DOT1L: variants seen among roughly 807,000 people sequenced by gnomAD.
DOT1L encodes DOT1 like histone lysine methyltransferase.
Under a neutral mutation model 153.3 loss-of-function variants are expected in DOT1L, and 33 were observed. The ratio of observed to expected loss-of-function variants is 0.22; its 90% CI spans 0.16 to 0.29. The LOEUF is 0.29. Among genes scored for constraint, DOT1L ranks in the 10% least tolerant of loss-of-function variants. The pLI is 1.00. For synonymous variants in DOT1L, 1,135 were observed against 965.1 expected, an observed-to-expected ratio of 1.18 and a Z score of -3.26; for missense variants, 1,847 against 2,119.9, an observed-to-expected ratio of 0.87 and a Z score of 2.53.
rs753819824 is a variant in DOT1L, at chr19:2,197,109, G to A, written c.651+2532G>A. The stretch of plus-strand genomic sequence containing the variant: ...TGCCGTGGTGGGAGCCGTGGCCTGC[G>A]GTGCTTCCTTGCGGCCACGCCTGTC... On this transcript the variant is annotated intron_variant, in intron 7 of 27. Coordinates refer to ENST00000398665, the MANE Select transcript of DOT1L (RefSeq NM_032482.3). This position sits in a 1 kb window ranked among gnomAD's most constrained non-coding sequence, Gnocchi z 4.1. Among the ~76,000 whole-genome samples, 2 of 152,014 alleles carry A rather than the reference G, an allele frequency of 1.3e-5. No individual in the cohort carries two copies. The highest frequency in any genetic ancestry group is 2.1e-4 in the South Asian group (1 of 4,820).
chr19:2,198,074 A>G (rs890470697), intron 7 of DOT1L, among the ~76,000 whole-genome samples: 1 of 152,170 alleles, frequency 6.6e-6, no homozygotes, highest in Non-Finnish European at 1.5e-5. Flanking sequence ...GCAGGGTTGC[A>G]TATAAACCAC....
rs1281413979 is a variant in DOT1L, at chr19:2,193,831, G to A, written c.588+48G>A. On this transcript the variant is annotated intron_variant, in intron 6 of 27. Coordinates refer to ENST00000398665, the MANE Select transcript of DOT1L (RefSeq NM_032482.3). The surrounding 1 kb of genome is among the most constrained non-coding windows in gnomAD (Gnocchi z 5.9). ...GTGTGTTGGAGGCAGGGGACCATCA[G>A]AGAAAGTGACGCCCTGGGTGCCTGC... is the stretch of plus-strand genomic sequence containing the variant. 1.9e-6 allele frequency: 3 copies of A among 1,589,788 alleles called. No homozygotes were observed. In the Admixed American group the frequency reaches 5.1e-5, roughly 27 times the overall value.
At position 2,202,758 on chromosome 19, in the gene DOT1L, C is replaced by T. The variant is rs1171294668; in HGVS notation, c.766C>T (p.Arg256Trp). Residue 256 changes from arginine to tryptophan, a missense_variant, in exon 9 of 28, where the codon CGG becomes TGG. Arg to Trp is a moderately radical substitution (Grantham distance 101). Around this residue, in one of 8 missense-constraint regions of DOT1L, gnomAD observed 148 missense variants for 422.3 expected, o/e 0.35. Transcript: ENST00000398665. ...TGAGGTGGATCACCAGCTGAAGGAG[C>T]GGTTTGCAAACATGAAGGAAGGTAA... is the stretch of plus-strand genomic sequence containing the variant. ...GPEVDHQLKE[R>W]FANMKEGGRI... 1.9e-6 allele frequency: 3 copies of T among 1,614,026 alleles called. No homozygotes were observed. Among genetic ancestry groups the T allele is most frequent in the African/African-American group, 1.3e-5 (1 of 74,918 alleles).
Position 2,208,197 on chromosome 19 carries a change from G to A in DOT1L, c.963+517G>A, listed in dbSNP as rs2023578476. On this transcript the variant is annotated intron_variant, in intron 11 of 27. Transcript: ENST00000398665. The surrounding 1 kb of genome is among the most constrained non-coding windows in gnomAD (Gnocchi z 4.4). ...GCCTCCCACGGTGCTTCCCCCCCGG[G>A]CACGAGTATCCCGAGCCTCCTGGCA... Among the ~76,000 whole-genome samples, 1 of 152,126 alleles carries A rather than the reference G, an allele frequency of 6.6e-6. No individual in the cohort carries two copies. The highest frequency in any genetic ancestry group is 6.5e-5 in the Admixed American group (1 of 15,284).
intron 8 of DOT1L, 102 bp downstream of exon 8, chr19:2,200,041 G>T: frequency 1.4e-6 from 2 of 1,451,950 alleles, no homozygotes; most frequent in Non-Finnish European, 1.9e-6. Flanking sequence ...CTCCTGTGCT[G>T]GCTGTGGCAG....
chr19:2,166,828 C>T (rs992294641), intron 1 of DOT1L, among the ~76,000 whole-genome samples: 1 of 152,188 alleles, frequency 6.6e-6, no homozygotes, highest in Non-Finnish European at 1.5e-5. Flanking sequence ...CCAGTGCTGC[C>T]GTCCAGGTGC....
rs766749994 is a variant in DOT1L at position 2,193,135 on chromosome 19, C to T, written c.494-554C>T. On this transcript the variant is annotated intron_variant, in intron 5 of 27. Coordinates refer to ENST00000398665, the MANE Select transcript of DOT1L (RefSeq NM_032482.3). This position sits in a 1 kb window ranked among gnomAD's most constrained non-coding sequence, Gnocchi z 5.9. ...CTGTTCCCTCCTTCTCCCTTAGAGCCGGGTGTTGCTGGGTTGTGTGCTGAT... is the reference window on the plus strand; with the variant it reads ...CTGTTCCCTCCTTCTCCCTTAGAGCTGGGTGTTGCTGGGTTGTGTGCTGAT... 2.0e-5 allele frequency among the ~76,000 whole-genome samples: 3 copies of T among 152,192 alleles called. No individual in the cohort carries two copies. The highest frequency in any genetic ancestry group is 4.4e-5 in the Non-Finnish European group (3 of 68,028).
rs1461463034 is a variant in DOT1L, at chr19:2,229,680, CGT to C, written c.4607-99_4607-98del. The C allele has an allele frequency of 4.4e-6, 7 of 1,603,196 alleles. No individual in the cohort carries two copies. The East Asian group carries it at 1.6e-4, about 36-fold the overall frequency. ...CTGTCATGGTGCTGGCCCCAGGTGG[CGT>C]GTGTGCTCGTGGGAGGCCTCGGTCC... On this transcript the variant is annotated intron_variant, in intron 27 of 27. Coordinates refer to ENST00000398665, the MANE Select transcript of DOT1L (RefSeq NM_032482.3).
At position 2,210,628 on chromosome 19, in the gene DOT1L, G is replaced by A; in HGVS notation, c.1124G>A (p.Gly375Asp). The A allele has an allele frequency of 6.2e-7, 1 of 1,612,578 alleles. No homozygotes were observed. Among genetic ancestry groups the A allele is most frequent in the Non-Finnish European group, 8.5e-7 (1 of 1,179,754 alleles). Reference protein sequence around the residue: ...AGPADAPMDSGAEEEKAGAAT... With the variant: ...AGPADAPMDSDAEEEKAGAAT... ...TTCCCTTGTGTCCTCCAGGACTCTG[G>A]TGCTGAGGAAGAGAAGGCGGGAGCA... is the stretch of plus-strand genomic sequence containing the variant. Residue 375 changes from glycine (G) to aspartate (D), a missense_variant, in exon 14 of 28, where the codon GGT (glycine) becomes GAT (aspartate). This residue lies in a region of DOT1L where 205 missense variants were observed against 203.1 expected (regional missense o/e 1.01). Transcript: ENST00000398665.
At chr19:2,200,242 C>T (rs922558464) in intron 8 of DOT1L, among the ~76,000 whole-genome samples, 1 of 152,120 alleles carries the variant, frequency 6.6e-6, no homozygotes, top group Admixed American at 6.5e-5. Flanking sequence ...TTTCCTGGGC[C>T]TCCTCCCCGC....
At chr19:2,209,251 C>T (rs115777006) in intron 12 of DOT1L, among the ~76,000 whole-genome samples, 6 of 152,206 alleles carry the variant, frequency 3.9e-5, no homozygotes, top group African/African-American at 1.4e-4. Flanking sequence ...CTCCCCCACC[C>T]TCCCTCTCCG....
Position 2,222,178 on chromosome 19 carries a change from C to G in DOT1L, c.3009C>G (p.Ala1003=). The change falls in exon 24 of 28, where the codon GCC becomes GCG. Residue 1003 remains alanine (A), a synonymous_variant. Coordinates refer to ENST00000398665, the MANE Select transcript of DOT1L (RefSeq NM_032482.3). This position sits in a 1 kb window ranked among gnomAD's most constrained non-coding sequence, Gnocchi z 6.5. ...GGAACTCGCTTCCTGCCTCTCCCGC[C>G]CACCAGCTCTCCTCCAGTCCCCGGC... is the stretch of plus-strand genomic sequence containing the variant. ...QPRNSLPASP[A]HQLSSSPRLG... 1 of 1,613,122 alleles carries G rather than the reference C, an allele frequency of 6.2e-7. No homozygotes were observed. Among genetic ancestry groups the G allele is most frequent in the African/African-American group, 1.3e-5 (1 of 75,070 alleles).
chr19:2,225,536 C>T, intron 26 of DOT1L, 84 bp downstream of exon 26: 2 of 1,396,352 alleles, frequency 1.4e-6, no homozygotes, highest in Admixed American at 3.4e-5. Context: ...CACCTGCTGG[C>T]CCGCTGCATC....
chr19:2,194,381 C>T, intron 6 of DOT1L, 134 bp from the exon 7 acceptor site: 1 of 915,004 alleles, frequency 1.1e-6, no homozygotes, highest in South Asian at 1.5e-5. Flanking sequence ...CCGTGTTAGC[C>T]AGGATGGTCG....
At chr19:2,213,354 C>A (rs114195268) in intron 16 of DOT1L, 185 bp from the exon 17 acceptor site, 36 of 568,066 alleles carry the variant, frequency 6.3e-5, no homozygotes, top group Non-Finnish European at 9.9e-5. Context: ...GAACCTGATG[C>A]AGAGCTGGTC....
intron 1 of DOT1L, among the ~76,000 whole-genome samples, chr19:2,168,516 G>A (rs58059306): frequency 0.081 from 12,356 of 152,128 alleles, 901 homozygotes; most frequent in African/African-American, 0.19. Context: ...AGTTCGGAAG[G>A]GGTTTGCCCA....
intron 3 of DOT1L, among the ~76,000 whole-genome samples, chr19:2,187,661 A>G (rs556262987): frequency 1.6e-4 from 24 of 152,186 alleles, no homozygotes; most frequent in South Asian, 1.2e-3. Flanking sequence ...CGTGGCTCAC[A>G]CCTGTAATCC....
At position 2,217,819 on chromosome 19, in the gene DOT1L, C is replaced by T. The variant is rs2144877691; in HGVS notation, c.2592C>T (p.Ser864=). The T allele has an allele frequency of 1.2e-6, 2 of 1,608,484 alleles. No individual in the cohort carries two copies. Among genetic ancestry groups the T allele is most frequent in the Non-Finnish European group, 1.7e-6 (2 of 1,178,154 alleles). ...GCAGCAGCGGGGAGCTCATCACCAG[C>T]CTGCCCATCAGCATCCCGCTCAGCA... The part of the protein sequence containing the change: ...AYGSSGELIT[S]LPISIPLSTV... The change falls in exon 22 of 28, where the codon AGC becomes AGT. Residue 864 remains serine, a synonymous_variant. Coordinates refer to ENST00000398665, the MANE Select transcript of DOT1L (RefSeq NM_032482.3). The surrounding 1 kb of genome is among the most constrained non-coding windows in gnomAD (Gnocchi z 7.3).
chr19:2,206,718 CTG>C lies in DOT1L; in HGVS notation c.788-7_788-6del, dbSNP rs2023510902. 1.9e-6 allele frequency: 3 copies of C among 1,613,726 alleles called. No individual in the cohort carries two copies. The highest frequency in any genetic ancestry group is 1.1e-5 in the South Asian group (1 of 91,052). ...TCTCCTGTGTGGCAGTAAGCAGTGT[CTG>C]TGTTTCAGGTGGCAGAATCGTGTCC... On this transcript the variant is annotated splice_polypyrimidine_tract_variant and intron_variant, in intron 9 of 27. Coordinates refer to ENST00000398665, the MANE Select transcript of DOT1L (RefSeq NM_032482.3).
Sources: gnomAD v4.1 joint callset for allele counts (sites outside exome capture counted in the v4.1 genomes callset) on GRCh38, gnomAD v4.1.1 for gene constraint, gnomAD v4.1.1 regional missense constraint, Gnocchi (gnomAD v3.1) non-coding constraint, MANE v1.5 for transcripts, NCBI Gene and HGNC (gene_info 2026-07-23, HGNC 2026-07-21) for gene names.